Variants in ARHGEF19 observed in about 807,000 individuals in gnomAD.
ARHGEF19 encodes Rho guanine nucleotide exchange factor 19, also known as Rho guanine nucleotide exchange factor (GEF) 19.
In ARHGEF19, 92 loss-of-function variants were observed where a neutral mutation model predicts 87.6. That is an observed-to-expected ratio of 1.05 (90% CI 0.89 to 1.25). The LOEUF is 1.25. Ranked by LOEUF, ARHGEF19 falls within the 50% of genes most tolerant of loss-of-function variation. The pLI, the probability that ARHGEF19 is intolerant of heterozygous loss-of-function variation, is 0.00. For synonymous variants in ARHGEF19, 438 were observed against 446.2 expected (o/e 0.98, Z 0.23); for missense variants, 1,054 against 1,051.8 (o/e 1.00, Z -0.03).
Position 16,207,082 on chromosome 1 carries a change from G to A in ARHGEF19, c.1003C>T (p.Leu335Phe), listed in dbSNP as rs770931370. 6.6e-7 allele frequency: 1 copy of A among 1,509,100 alleles called. No homozygotes were observed. Among genetic ancestry groups the A allele is most frequent in the South Asian group, 1.3e-5 (1 of 80,000 alleles). 93.5% of individuals were successfully genotyped at this position (1,509,100 alleles called of 1,614,324 possible). The stretch of plus-strand genomic sequence containing the variant: ...GCCCGGAAGGAGCTGCTGGGGGAGA[G>A]GTTGGCCCGCGGCGGCCCCGGCCCC... ...EEGPGPPRAN[L>F]SPSSSFRAQR... The change falls in exon 6 of 16, where the codon CTC becomes TTC. Residue 335 changes from leucine (L) to phenylalanine (F), a missense_variant. By Grantham distance (22) the Leu-to-Phe change is conservative. Coordinates refer to ENST00000270747, the MANE Select transcript of ARHGEF19 (RefSeq NM_153213.5). This position sits in a 1 kb window ranked among gnomAD's most constrained non-coding sequence, Gnocchi z 4.0.
intron 12 of ARHGEF19, among the ~76,000 whole-genome samples, 172 bp from the exon 13 acceptor site, chr1:16,202,746 C>CAAG (rs2081094441): frequency 6.6e-6 from 1 of 152,210 alleles, no homozygotes; most frequent in Non-Finnish European, 1.5e-5. Flanking sequence ...CACAAGGAAC[C>CAAG]AAGAGCTCCT....
chr1:16,204,961 G>C (rs747603409), intron 11 of ARHGEF19, 42 bp from the exon 12 acceptor site: 3 of 1,579,460 alleles, frequency 1.9e-6, no homozygotes, highest in Non-Finnish European at 2.6e-6. Context: ...AGGGGCACCA[G>C]GCAGAGAGCA....
Position 16,198,773 on chromosome 1 carries a change from C to T in ARHGEF19, c.2252-29G>A. 1.3e-6 allele frequency: 2 copies of T among 1,568,714 alleles called. No individual in the cohort carries two copies. The highest frequency in any genetic ancestry group is 1.7e-6 in the Non-Finnish European group (2 of 1,154,608). ...GGGACACATAGGCCAAGAACAACAG[C>T]ATCAAAGGGGTACCAGGGCCAGGCC... On this transcript the variant is annotated intron_variant, in intron 15 of 15. Transcript: ENST00000270747. This position sits in a 1 kb window ranked among gnomAD's most constrained non-coding sequence, Gnocchi z 4.1.
chr1:16,203,155 G>A (rs1390293904), intron 12 of ARHGEF19, among the ~76,000 whole-genome samples: 1 of 151,162 alleles, frequency 6.6e-6, no homozygotes, highest in Non-Finnish European at 1.5e-5. Context: ...CCACAATTTG[G>A]GCTCAGTAAG....
In ARHGEF19 at chr1:16,198,553, G is replaced by C; in HGVS notation, c.*34C>G. On this transcript the variant is annotated 3_prime_UTR_variant, in exon 16 of 16. Transcript: ENST00000270747. The surrounding 1 kb of genome is among the most constrained non-coding windows in gnomAD (Gnocchi z 4.1). The stretch of plus-strand genomic sequence containing the variant: ...CCCTCCAGGACCATCCAGGAGCCAG[G>C]CATGGAGGTGGGGTCCTAGGCCATG... 1 of 1,569,810 alleles carries C rather than the reference G, an allele frequency of 6.4e-7. No individual in the cohort carries two copies. Among genetic ancestry groups the C allele is most frequent in the Non-Finnish European group, 8.6e-7 (1 of 1,156,146 alleles).
At position 16,199,162 on chromosome 1, in the gene ARHGEF19, A is replaced by G. The variant is rs148325785; in HGVS notation, c.2239T>C (p.Trp747Arg). Residue 747 changes from tryptophan to arginine, a missense_variant, in exon 15 of 16, where the codon TGG (tryptophan) becomes CGG (arginine). Transcript: ENST00000270747. ...EKTDILSVRT[W>R]TSDGWLEGVR... ...GAGGCCCCCTCACCGTCACTGGTCC[A>G]GGTCCTCACTGACAGGATGTCAGTC... 0.011 allele frequency: 17,724 copies of G among 1,613,882 alleles called. 118 individuals carry two copies. The highest frequency in any genetic ancestry group is 0.014 in the Non-Finnish European group (16,052 of 1,179,894).
chr1:16,206,434 G>A lies in ARHGEF19; in HGVS notation c.1138-94C>T, dbSNP rs1277629570. On this transcript the variant is annotated intron_variant, in intron 6 of 15. Coordinates refer to ENST00000270747, the MANE Select transcript of ARHGEF19 (RefSeq NM_153213.5). This position sits in a 1 kb window ranked among gnomAD's most constrained non-coding sequence, Gnocchi z 4.6. Reference sequence around the variant, plus strand: ...CCCAGACCCCAGGACGCCACACCTCGCGTCCTCGCCCCTTCTCTAGCCCCA... The same window carrying A: ...CCCAGACCCCAGGACGCCACACCTCACGTCCTCGCCCCTTCTCTAGCCCCA... 2.9e-6 allele frequency: 4 copies of A among 1,399,814 alleles called. No homozygotes were observed. The Admixed American group carries it at 8.0e-5, about 28-fold the overall frequency. The allele number at this position is 1,399,814 out of a possible 1,614,324, so 86.7% of individuals were successfully genotyped here. A position where few individuals can be genotyped will look rare whatever the true frequency, so the allele number is the denominator to read the frequency against.
intron 14 of ARHGEF19, 114 bp from the exon 15 acceptor site, chr1:16,199,368 T>C (rs935694634): frequency 1.2e-6 from 1 of 821,090 alleles, no homozygotes; most frequent in Non-Finnish European, 2.0e-6. Flanking sequence ...AGGTGGCCAT[T>C]GAGGCTTCTA....
In ARHGEF19 at chr1:16,205,992, T is replaced by C; in HGVS notation, c.1390A>G (p.Arg464Gly). Residue 464 changes from arginine to glycine, a missense_variant, in exon 8 of 16, where the codon AGA (arginine) becomes GGA (glycine). Physicochemically the swap from Arg to Gly is moderately radical, Grantham distance 125. Transcript: ENST00000270747. This position sits in a 1 kb window ranked among gnomAD's most constrained non-coding sequence, Gnocchi z 5.8. The stretch of plus-strand genomic sequence containing the variant: ...TTGGTGACATAGGGCAGGTAGACTC[T>C]GCGGAAGGCCGGGCAGTGGTCCAGC... ...VVLDHCPAFR[R>G]VYLPYVTNQA... 2 of 1,610,686 alleles carry C rather than the reference T, an allele frequency of 1.2e-6. No individual in the cohort carries two copies. Among genetic ancestry groups the C allele is most frequent in the Non-Finnish European group, 1.7e-6 (2 of 1,178,580 alleles).
At chr1:16,209,217 A>G in intron 1 of ARHGEF19, 134 bp from the exon 2 acceptor site, 1 of 544,170 alleles carries the variant, frequency 1.8e-6, no homozygotes, top group Middle Eastern at 3.9e-4. Context: ...CACATGTCTA[A>G]TTATATAGAA....
rs561162046 is a variant in ARHGEF19, at chr1:16,207,179, G to A, written c.906C>T (p.Ala302=). The change falls in exon 6 of 16, where the codon GCC becomes GCT. Residue 302 remains alanine, a synonymous_variant. Transcript: ENST00000270747. The surrounding 1 kb of genome is among the most constrained non-coding windows in gnomAD (Gnocchi z 4.0). ...GCTGCCGCCGCAGTTCGCGGGCGCT[G>A]GCCACGTCGCTGTATTCCTGATAGA... ...SVLYQEYSDV[A]SARELRRQQR... 2.2e-5 allele frequency: 34 copies of A among 1,531,780 alleles called. No individual in the cohort carries two copies. The African/African-American group carries it at 4.5e-4, about 20-fold the overall frequency. 94.9% of individuals were successfully genotyped at this position (1,531,780 alleles called of 1,614,324 possible). A position where few individuals can be genotyped will look rare whatever the true frequency, so the allele number is the denominator to read the frequency against.
At chr1:16,211,324 C>G (rs1253907246) in intron 1 of ARHGEF19, among the ~76,000 whole-genome samples, 2 of 152,188 alleles carry the variant, frequency 1.3e-5, no homozygotes, top group African/African-American at 4.8e-5. Flanking sequence ...ACACAGAAGT[C>G]CCACTTGCTT....
At position 16,205,663 on chromosome 1, in the gene ARHGEF19, C is replaced by G. The variant is rs1443726888; in HGVS notation, c.1456G>C (p.Glu486Gln). ...QERTYQRLLL[E>Q]NPRFPGILAR... ...AGGATGCCAGGGAACCTGGGGTTCTCCAGGCTGGAAAATGGGGAGGACTCT... is the reference window on the plus strand; with the variant it reads ...AGGATGCCAGGGAACCTGGGGTTCTGCAGGCTGGAAAATGGGGAGGACTCT... The change falls in exon 9 of 16, where the codon GAG (glutamate) becomes CAG (glutamine). Residue 486 changes from glutamate (E) to glutamine (Q), a missense_variant. Transcript: ENST00000270747. This position sits in a 1 kb window ranked among gnomAD's most constrained non-coding sequence, Gnocchi z 5.8. 1 of 1,607,032 alleles carries G rather than the reference C, an allele frequency of 6.2e-7. No individual in the cohort carries two copies. Among genetic ancestry groups the G allele is most frequent in the East Asian group, 2.2e-5 (1 of 44,742 alleles).
At position 16,204,911 on chromosome 1, in the gene ARHGEF19, C is replaced by T. The variant is rs146226421; in HGVS notation, c.1755G>A (p.Pro585=). ...CCAGCCAGCGGGCCTGAGAGATCAG[C>T]GGGAAAATCTAGAGGGATGGAGAAG... ...KKIHFEGKIF[P]LISQARWLVR... Residue 585 remains proline (P), a synonymous_variant, in exon 12 of 16, where the codon CCG becomes CCA. Coordinates refer to ENST00000270747, the MANE Select transcript of ARHGEF19 (RefSeq NM_153213.5). 86 of 1,599,710 alleles carry T rather than the reference C, an allele frequency of 5.4e-5. No homozygotes were observed. Among genetic ancestry groups the T allele is most frequent in the Non-Finnish European group, 6.7e-5 (79 of 1,172,784 alleles).
intron 14 of ARHGEF19, 58 bp from the exon 15 acceptor site, chr1:16,199,312 A>G: frequency 7.5e-7 from 1 of 1,341,518 alleles, no homozygotes; most frequent in Non-Finnish European, 1.1e-6. Flanking sequence ...GGGGAGGAGC[A>G]TGGGTAGGGC....
At position 16,205,193 on chromosome 1, in the gene ARHGEF19, G is replaced by A. The variant is rs1159677593; in HGVS notation, c.1657-17C>T. On this transcript the variant is annotated splice_polypyrimidine_tract_variant and intron_variant, in intron 10 of 15. Transcript: ENST00000270747. The surrounding 1 kb of genome is among the most constrained non-coding windows in gnomAD (Gnocchi z 5.8). ...CTGCACCAGCTGGGGGAGCCGTGGGGAGGTCACCTGCAGCCCCTCAGCTCC... is the reference window on the plus strand; with the variant it reads ...CTGCACCAGCTGGGGGAGCCGTGGGAAGGTCACCTGCAGCCCCTCAGCTCC... 1.9e-6 allele frequency: 3 copies of A among 1,593,320 alleles called. No homozygotes were observed. The highest frequency in any genetic ancestry group is 1.8e-5 in the Admixed American group (1 of 55,602).
chr1:16,199,122 G>A, intron 15 of ARHGEF19, 28 bp downstream of exon 15: 1 of 1,610,740 alleles, frequency 6.2e-7, no homozygotes, highest in Non-Finnish European at 8.5e-7. Flanking sequence ...AGCCCCATCA[G>A]GGACACTTTC....
Position 16,205,408 on chromosome 1 carries a change from T to G in ARHGEF19, c.1599A>C (p.Thr533=). ...KMLVENILKR[T]AQGSEDEDMA... ...TGTCTTCGTCTTCAGAGCCCTGTGC[T>G]GTCCGCTTCAGGATGTTCTGGAAGG... The change falls in exon 10 of 16, where the codon ACA becomes ACC. Residue 533 remains threonine, a synonymous_variant. Transcript: ENST00000270747. The surrounding 1 kb of genome is among the most constrained non-coding windows in gnomAD (Gnocchi z 5.8). 1 of 1,611,722 alleles carries G rather than the reference T, an allele frequency of 6.2e-7. No individual in the cohort carries two copies. Among genetic ancestry groups the G allele is most frequent in the South Asian group, 1.1e-5 (1 of 90,992 alleles).
At chr1:16,201,030 ATAGCAATACCC>A (rs1293539062) in intron 14 of ARHGEF19, among the ~76,000 whole-genome samples, 3 of 152,230 alleles carry the variant, frequency 2.0e-5, no homozygotes, top group Admixed American at 2.0e-4. Flanking sequence ...GCTGGGCAAC[ATAGCAATACCC>A]TATCTCTACA....
Sources: allele counts gnomAD v4.1 joint callset (sites outside exome capture counted in the v4.1 genomes callset), GRCh38; gene constraint gnomAD v4.1.1; non-coding constraint Gnocchi (gnomAD v3.1); transcripts MANE v1.5; gene names NCBI Gene and HGNC (gene_info 2026-07-23, HGNC 2026-07-21).